CLSTN2: variants seen among roughly 807,000 people sequenced by gnomAD.
The protein encoded by CLSTN2 is calsyntenin 2, also known as calsyntenin-2.
A neutral mutation model predicts 101.2 loss-of-function variants in CLSTN2; 48 were observed. That is an observed-to-expected ratio of 0.47 (90% confidence interval 0.38 to 0.60). The LOEUF is 0.60. Among genes scored for constraint, CLSTN2 ranks in the 20% least tolerant of loss-of-function variants. The probability of loss-of-function intolerance (pLI) is 0.00; values close to 1 mark genes in which losing one functional copy is unlikely to be tolerated. For synonymous variants in CLSTN2, 481 were observed against 463.6 expected, an observed-to-expected ratio of 1.04 and a Z score of -0.48; for missense variants, 1,160 against 1,238.2, an observed-to-expected ratio of 0.94 and a Z score of 0.95.
intron 2 of CLSTN2, among the ~76,000 whole-genome samples, chr3:140,268,499 A>G (rs1559824214): frequency 6.6e-6 from 1 of 152,224 alleles, no homozygotes; most frequent in Non-Finnish European, 1.5e-5. Flanking sequence ...GGACACAGGC[A>G]GGCAGGACTG....
At chr3:140,247,667 T>G (rs1015368022) in intron 2 of CLSTN2, among the ~76,000 whole-genome samples, 1 of 152,066 alleles carries the variant, frequency 6.6e-6, no homozygotes, top group African/African-American at 2.4e-5. Context: ...GGGGTCACAT[T>G]TGAGTGAGAA....
chr3:140,279,364 G>A (rs1009846628), intron 2 of CLSTN2, among the ~76,000 whole-genome samples: 1 of 152,242 alleles, frequency 6.6e-6, no homozygotes, highest in African/African-American at 2.4e-5. Context: ...TTCTAGGGAT[G>A]TGGTTCAGGC....
At chr3:140,432,127 C>A (rs347335) in intron 5 of CLSTN2, among the ~76,000 whole-genome samples, 3 of 151,778 alleles carry the variant, frequency 2.0e-5, no homozygotes, top group African/African-American at 7.3e-5. Context: ...CAGTGGGGTG[C>A]GGTAGAAAGT....
chr3:140,142,339 T>C lies in CLSTN2; in HGVS notation c.110-33612T>C, dbSNP rs988579123. ...CATCTGAGTGCAGAAAGGCCACTCA[T>C]AGAGGGACCCTTACCCTGAGATGAG... On this transcript the variant is annotated intron_variant, in intron 1 of 16. Transcript: ENST00000458420. Among the ~76,000 whole-genome samples, 7 of 152,142 alleles carry C rather than the reference T, an allele frequency of 4.6e-5. No individual in the cohort carries two copies. In the East Asian group the frequency reaches 7.7e-4, roughly 17 times the overall value.
chr3:140,419,797 GTA>G, intron 4 of CLSTN2, among the ~76,000 whole-genome samples: 3 of 53,310 alleles, frequency 5.6e-5, no homozygotes, highest in African/African-American at 3.5e-4. Context: ...ACGTATACGT[GTA>G]TATACGTGTA....
chr3:140,099,401 C>A (rs534719831), intron 1 of CLSTN2, among the ~76,000 whole-genome samples: 1 of 152,212 alleles, frequency 6.6e-6, no homozygotes, highest in East Asian at 1.9e-4. Flanking sequence ...CTTCACATGG[C>A]CTTCTCTTCT....
rs555078835 is a variant in CLSTN2 at position 140,387,958 on chromosome 3, C to G, written c.233-15671C>G. On this transcript the variant is annotated intron_variant, in intron 2 of 16. Transcript: ENST00000458420. ...AGTCCAAGAGCCAACCACTCATTCT[C>G]CCTATTGAAGGGACTGGGTTCTATT... Among the ~76,000 whole-genome samples, 57 of 152,338 alleles carry G rather than the reference C, an allele frequency of 3.7e-4. 1 individual carries two copies. Among genetic ancestry groups the G allele is most frequent in the African/African-American group, 1.3e-3 (54 of 41,574 alleles).
At chr3:140,035,597 G>A (rs1378004662) in intron 1 of CLSTN2, among the ~76,000 whole-genome samples, 2 of 131,546 alleles carry the variant, frequency 1.5e-5, no homozygotes, top group Non-Finnish European at 3.5e-5. Flanking sequence ...TTCCATGTAG[G>A]ATAATAATAG....
intron 8 of CLSTN2, among the ~76,000 whole-genome samples, chr3:140,490,237 T>C (rs1248747112): frequency 1.3e-5 from 2 of 149,760 alleles, no homozygotes; most frequent in East Asian, 3.9e-4. Flanking sequence ...ACACCGGTCA[T>C]TTCTCTGTGT....
chr3:140,037,173 G>A (rs1050933753), intron 1 of CLSTN2, among the ~76,000 whole-genome samples: 4 of 152,016 alleles, frequency 2.6e-5, no homozygotes, highest in African/African-American at 9.7e-5. Context: ...AAACTTTTGA[G>A]CCCGGAAACT....
At chr3:140,139,820 C>T (rs894167653) in intron 1 of CLSTN2, among the ~76,000 whole-genome samples, 4 of 152,200 alleles carry the variant, frequency 2.6e-5, no homozygotes, top group African/African-American at 9.6e-5. Context: ...AGTCAGTGAA[C>T]TACACTTCTT....
chr3:140,179,854 C>T (rs1411502956), intron 2 of CLSTN2, among the ~76,000 whole-genome samples: 1 of 152,084 alleles, frequency 6.6e-6, no homozygotes, highest in Non-Finnish European at 1.5e-5. Flanking sequence ...GTCCACATTT[C>T]AGATTCTGTT....
intron 8 of CLSTN2, among the ~76,000 whole-genome samples, chr3:140,494,840 C>T (rs977172017): frequency 1.3e-5 from 2 of 152,166 alleles, no homozygotes; most frequent in African/African-American, 2.4e-5. Context: ...ATATGTACCA[C>T]ATTTTGTTTA....
chr3:140,172,599 A>C (rs1576454889), intron 1 of CLSTN2, among the ~76,000 whole-genome samples: 1 of 152,250 alleles, frequency 6.6e-6, no homozygotes, highest in South Asian at 2.1e-4. Context: ...GGATTAGTCC[A>C]TTTTCTTGCC....
intron 2 of CLSTN2, among the ~76,000 whole-genome samples, chr3:140,331,991 T>A (rs745620581): frequency 3.9e-5 from 6 of 152,200 alleles, no homozygotes; most frequent in Non-Finnish European, 7.3e-5. Flanking sequence ...TATGCTTGGC[T>A]CTGGGTTTGC....
intron 2 of CLSTN2, among the ~76,000 whole-genome samples, chr3:140,249,049 T>G (rs761065738): frequency 2.6e-5 from 4 of 152,092 alleles, no homozygotes; most frequent in Non-Finnish European, 5.9e-5. Flanking sequence ...GGGTCTCTGT[T>G]TTTTTGCTCC....
rs993538897 is a variant in CLSTN2, at chr3:139,995,973, A to T, written c.109+60490A>T. On this transcript the variant is annotated intron_variant, in intron 1 of 16. Coordinates refer to ENST00000458420, the MANE Select transcript of CLSTN2 (RefSeq NM_022131.3). Reference sequence around the variant, plus strand: ...TCTTTTATTAAAAAATGTAATAAACACTTGTGAACCTATAGCTCAAACTAA... The same window carrying T: ...TCTTTTATTAAAAAATGTAATAAACTCTTGTGAACCTATAGCTCAAACTAA... Among the ~76,000 whole-genome samples the T allele has an allele frequency of 2.0e-5, 3 of 152,320 alleles. No homozygotes were observed. In the South Asian group the frequency reaches 6.2e-4, roughly 32 times the overall value.
rs147620399 is a variant in CLSTN2 at position 140,177,673 on chromosome 3, G to T, written c.232+1600G>T. 3.4e-3 allele frequency among the ~76,000 whole-genome samples: 524 copies of T among 152,008 alleles called. 2 individuals are homozygous for T. The highest frequency in any genetic ancestry group is 4.3e-3 in the Non-Finnish European group (293 of 67,968). On this transcript the variant is annotated intron_variant, in intron 2 of 16. Coordinates refer to ENST00000458420, the MANE Select transcript of CLSTN2 (RefSeq NM_022131.3). ...AGCTGGGCATGGTGGTGCATGCCTG[G>T]TCCTAGTTTCTCAGGAAGCCGAGGC...
chr3:140,344,939 A>G (rs1323730743), intron 2 of CLSTN2, among the ~76,000 whole-genome samples: 1 of 152,134 alleles, frequency 6.6e-6, no homozygotes, highest in Non-Finnish European at 1.5e-5. Context: ...ACAGAAAGAA[A>G]TGGGGCTCTG....
Sources: allele counts gnomAD v4.1 joint callset (sites outside exome capture counted in the v4.1 genomes callset), GRCh38; gene constraint gnomAD v4.1.1; transcripts MANE v1.5; gene names NCBI Gene and HGNC (gene_info 2026-07-23, HGNC 2026-07-21).